The following CD22 variants were observed in gnomAD, a reference collection of about 807,000 sequenced individuals.
CD22 encodes the protein B-cell receptor CD22.
Under a neutral mutation model 94.7 loss-of-function variants are expected in CD22, and 51 were observed. The observed-to-expected ratio is 0.54, with a 90% CI of 0.43 to 0.68. The LOEUF is 0.68. CD22 is among the 30% of genes least tolerant of loss of function. CD22 has a pLI of 0.00. For missense variants in CD22, 931 were observed against 1,060.4 expected, an observed-to-expected ratio of 0.88 and a Z score of 1.69; for synonymous variants, 424 against 422.5, an observed-to-expected ratio of 1.00 and a Z score of -0.04.
At position 35,338,313 on chromosome 19, in the gene CD22, A is replaced by C; in HGVS notation, c.1131A>C (p.Thr377=). Residue 377 remains threonine, a synonymous_variant, in exon 6 of 14, where the codon ACA becomes ACC. Transcript: ENST00000085219. ...YHNGKEMQGR[T]EEKVHIPKIL... ...ATGGGAAAGAAATGCAGGGAAGGACAGAGGAGAAAGTCCACATCCCAAAGA... is the reference window on the plus strand; with the variant it reads ...ATGGGAAAGAAATGCAGGGAAGGACCGAGGAGAAAGTCCACATCCCAAAGA... The C allele has an allele frequency of 6.2e-7, 1 of 1,614,266 alleles. No individual in the cohort carries two copies. The highest frequency in any genetic ancestry group is 8.5e-7 in the Non-Finnish European group (1 of 1,180,048).
At chr19:35,330,293 A>C (rs1174921627) in intron 1 of CD22, among the ~76,000 whole-genome samples, 1 of 152,232 alleles carries the variant, frequency 6.6e-6, no homozygotes, top group African/African-American at 2.4e-5. Flanking sequence ...CTGAGATCAC[A>C]CCACTGCACT....
chr19:35,340,088 A>T (rs933898990), intron 6 of CD22, among the ~76,000 whole-genome samples: 1 of 152,172 alleles, frequency 6.6e-6, no homozygotes, highest in African/African-American at 2.4e-5. Context: ...CTGAGATGTC[A>T]TATGTGCTAA....
chr19:35,336,164 G>C lies in CD22; in HGVS notation c.541G>C (p.Val181Leu), dbSNP rs373498000. The C allele has an allele frequency of 2.8e-5, 46 of 1,614,088 alleles. No homozygotes were observed. The highest frequency in any genetic ancestry group is 3.3e-5 in the Non-Finnish European group (39 of 1,180,046). Residue 181 changes from valine (V) to leucine (L), a missense_variant, in exon 4 of 14, where the codon GTT becomes CTT. Physicochemically the swap from Val to Leu is conservative, Grantham distance 32. Coordinates refer to ENST00000085219, the MANE Select transcript of CD22 (RefSeq NM_001771.4). The stretch of plus-strand genomic sequence containing the variant: ...CCAATTGCAGTGGCTCCTAGAGGGG[G>C]TTCCAATGAGGCAGGCTGCTGTCAC... ...PIQLQWLLEG[V>L]PMRQAAVTST...
chr19:35,346,703 G>C lies in CD22; in HGVS notation c.*6G>C. 1 of 1,603,048 alleles carries C rather than the reference G, an allele frequency of 6.2e-7. No homozygotes were observed. Among genetic ancestry groups the C allele is most frequent in the Non-Finnish European group, 8.5e-7 (1 of 1,173,482 alleles). ...ATGTGATCCTCAAACATTGACACTG[G>C]ATGGGCTGCAGCAGAGGCACTGGGG... is the stretch of plus-strand genomic sequence containing the variant. On this transcript the variant is annotated 3_prime_UTR_variant, in exon 14 of 14. Coordinates refer to ENST00000085219, the MANE Select transcript of CD22 (RefSeq NM_001771.4).
Position 35,340,894 on chromosome 19 carries a change from G to A in CD22, c.1263G>A (p.Lys421=). 6.2e-7 allele frequency: 1 copy of A among 1,614,134 alleles called. No homozygotes were observed. The highest frequency in any genetic ancestry group is 8.5e-7 in the Non-Finnish European group (1 of 1,180,028). The change falls in exon 7 of 14, where the codon AAG becomes AAA. Residue 421 remains lysine (K), a synonymous_variant. Coordinates refer to ENST00000085219, the MANE Select transcript of CD22 (RefSeq NM_001771.4). ...GTTTTCTTCCAGATCCTCCCAAGAAGGTGACCACAGTGATTCAAAACCCCA... is the reference window on the plus strand; with the variant it reads ...GTTTTCTTCCAGATCCTCCCAAGAAAGTGACCACAGTGATTCAAAACCCCA... ...AELDVQYPPK[K]VTTVIQNPMP...
Position 35,346,209 on chromosome 19 carries a change from T to C in CD22, c.2386T>C (p.Tyr796His). ...CCCGGACTGCGATGACACGGTCACT[T>C]ATTCAGCATTGCACAAGCGCCAAGT... ...PPPDCDDTVT[Y>H]SALHKRQVGD... The change falls in exon 13 of 14, where the codon TAT (tyrosine) becomes CAT (histidine). Residue 796 changes from tyrosine to histidine, a missense_variant. Transcript: ENST00000085219. 6.2e-7 allele frequency: 1 copy of C among 1,614,006 alleles called. No individual in the cohort carries two copies. The highest frequency in any genetic ancestry group is 8.5e-7 in the Non-Finnish European group (1 of 1,179,900).
At position 35,336,354 on chromosome 19, in the gene CD22, G is replaced by A. The variant is rs367577347; in HGVS notation, c.718+13G>A. The A allele has an allele frequency of 1.5e-4, 243 of 1,611,250 alleles. No individual in the cohort carries two copies. The African/African-American group carries it at 2.7e-3, about 18-fold the overall frequency. ...CTGAACGTGAAGCGTGAGTCTCCCC[G>A]GCATGCCTGTGGGAAGGGCAAGGTC... is the stretch of plus-strand genomic sequence containing the variant. On this transcript the variant is annotated intron_variant, in intron 4 of 13. Transcript: ENST00000085219.
At chr19:35,345,749 G>T (rs757306859) in intron 12 of CD22, 29 bp downstream of exon 12, 8 of 1,454,546 alleles carry the variant, frequency 5.5e-6, no homozygotes, top group Non-Finnish European at 7.7e-6. Flanking sequence ...GGGTGACCCT[G>T]CACCCTGGGA....
chr19:35,332,739 T>G lies in CD22; in HGVS notation c.227T>G (p.Leu76Arg). The G allele has an allele frequency of 5.6e-6, 9 of 1,614,138 alleles. No homozygotes were observed. Among genetic ancestry groups the G allele is most frequent in the Non-Finnish European group, 7.6e-6 (9 of 1,180,020 alleles). Reference sequence around the variant, plus strand: ...ACCTCGAAGTTTGATGGGACAAGACTCTATGAAAGCACAAAGGATGGGAAG... The same window carrying G: ...ACCTCGAAGTTTGATGGGACAAGACGCTATGAAAGCACAAAGGATGGGAAG... Reference protein sequence around the residue: ...KNTSKFDGTRLYESTKDGKVP... With the variant: ...KNTSKFDGTRRYESTKDGKVP... The change falls in exon 3 of 14, where the codon CTC (leucine) becomes CGC (arginine). Residue 76 changes from leucine to arginine, a missense_variant. Physicochemically the swap from Leu to Arg is moderately radical, Grantham distance 102. Coordinates refer to ENST00000085219, the MANE Select transcript of CD22 (RefSeq NM_001771.4).
intron 6 of CD22, among the ~76,000 whole-genome samples, chr19:35,340,273 C>G (rs145417333): frequency 7.9e-5 from 12 of 152,028 alleles, no homozygotes; most frequent in African/African-American, 2.7e-4. Flanking sequence ...ACTCACCCCC[C>G]ACCCACCCCG....
At position 35,340,954 on chromosome 19, in the gene CD22, C is replaced by T; in HGVS notation, c.1323C>T (p.Ser441=). ...GAGAAGGAGACACAGTGACCCTTTC[C>T]TGTAACTACAATTCCAGTAACCCCA... ...PIREGDTVTL[S]CNYNSSNPSV... is the part of the protein sequence containing the mutation. The change falls in exon 7 of 14, where the codon TCC becomes TCT. Residue 441 remains serine (S), a synonymous_variant. Transcript: ENST00000085219. 1.2e-6 allele frequency: 2 copies of T among 1,614,202 alleles called. No homozygotes were observed. Among genetic ancestry groups the T allele is most frequent in the Non-Finnish European group, 1.7e-6 (2 of 1,180,028 alleles).
chr19:35,346,045 A>C, intron 12 of CD22, 106 bp from the exon 13 acceptor site: 1 of 846,676 alleles, frequency 1.2e-6, no homozygotes, highest in African/African-American at 1.7e-5. Flanking sequence ...CAGGTTTTAC[A>C]TAAGGGGCTG....
At chr19:35,330,244 G>A (rs2066627185) in intron 1 of CD22, among the ~76,000 whole-genome samples, 1 of 152,154 alleles carries the variant, frequency 6.6e-6, no homozygotes. Context: ...GCTGAGGCAG[G>A]AGAATCACTT....
chr19:35,337,984 C>T lies in CD22; in HGVS notation c.948C>T (p.Gly316=), dbSNP rs2145661391. 1.2e-6 allele frequency: 2 copies of T among 1,613,674 alleles called. No homozygotes were observed. Among genetic ancestry groups the T allele is most frequent in the Non-Finnish European group, 1.7e-6 (2 of 1,179,702 alleles). ...GCTGTCAGGTCTCCAATGACGTGGGCCCGGGAAGGTCGGAAGAAGTGTTCC... is the reference window on the plus strand; with the variant it reads ...GCTGTCAGGTCTCCAATGACGTGGGTCCGGGAAGGTCGGAAGAAGTGTTCC... The part of the protein sequence containing the change: ...KYCCQVSNDV[G]PGRSEEVFLQ... Residue 316 remains glycine (G), a synonymous_variant, in exon 5 of 14, where the codon GGC becomes GGT. Transcript: ENST00000085219. The surrounding 1 kb of genome is among the most constrained non-coding windows in gnomAD (Gnocchi z 4.4).
Position 35,341,997 on chromosome 19 carries a change from G to C in CD22, c.2035+32G>C. 1.9e-6 allele frequency: 3 copies of C among 1,547,762 alleles called. No homozygotes were observed. The highest frequency in any genetic ancestry group is 2.6e-6 in the Non-Finnish European group (3 of 1,140,548). ...CCTCTTCCTGCTCTTGTTCTTCTTG[G>C]TGGTGGTCAGTCCTTCCTTCCTTCC... On this transcript the variant is annotated intron_variant, in intron 9 of 13. Transcript: ENST00000085219. The surrounding 1 kb of genome is among the most constrained non-coding windows in gnomAD (Gnocchi z 4.0).
At position 35,346,467 on chromosome 19, in the gene CD22, T is replaced by C. The variant is rs1165645328; in HGVS notation, c.2413-99T>C. The C allele has an allele frequency of 2.0e-6, 3 of 1,504,678 alleles. No homozygotes were observed. In the Admixed American group the frequency reaches 6.0e-5, roughly 30 times the overall value. The allele number at this position is 1,504,678 out of a possible 1,614,324, so 93.2% of individuals were successfully genotyped here. On this transcript the variant is annotated intron_variant, in intron 13 of 13. Coordinates refer to ENST00000085219, the MANE Select transcript of CD22 (RefSeq NM_001771.4). Reference sequence around the variant, plus strand: ...TGACACGAGGACACCCGCCTGGGCTTTTGGACCCCCGGGTGGAATGAAGGA... The same window carrying C: ...TGACACGAGGACACCCGCCTGGGCTCTTGGACCCCCGGGTGGAATGAAGGA...
At position 35,336,017 on chromosome 19, in the gene CD22, G is replaced by C; in HGVS notation, c.413-19G>C. 1 of 1,605,568 alleles carries C rather than the reference G, an allele frequency of 6.2e-7. No homozygotes were observed. Among genetic ancestry groups the C allele is most frequent in the South Asian group, 1.1e-5 (1 of 89,908 alleles). ...TCCTCAGTCCCCCAGGCTCCTGCAC[G>C]GGCTCTGTTCTTTTGCAGAAAGGCC... On this transcript the variant is annotated intron_variant, in intron 3 of 13. Coordinates refer to ENST00000085219, the MANE Select transcript of CD22 (RefSeq NM_001771.4).
intron 6 of CD22, 136 bp from the exon 7 acceptor site, chr19:35,340,745 A>C: frequency 1.1e-6 from 1 of 906,842 alleles, no homozygotes; most frequent in South Asian, 1.6e-5. Flanking sequence ...TGCAGGAAGG[A>C]CGCACAAGCC....
chr19:35,342,946 G>T (rs1255091303), intron 9 of CD22, among the ~76,000 whole-genome samples: 1 of 152,132 alleles, frequency 6.6e-6, no homozygotes, highest in African/African-American at 2.4e-5. Flanking sequence ...GAGTAGCTGG[G>T]ACTACAGGCG....
Sources: allele counts gnomAD v4.1 joint callset (sites outside exome capture counted in the v4.1 genomes callset), GRCh38; gene constraint gnomAD v4.1.1; non-coding constraint Gnocchi (gnomAD v3.1); transcripts MANE v1.5; gene names NCBI Gene and HGNC (gene_info 2026-07-23, HGNC 2026-07-21).